C1orf141: variants seen among roughly 807,000 people sequenced by gnomAD.
The protein encoded by C1orf141 is chromosome 1 open reading frame 141.
Under a neutral mutation model 23.2 loss-of-function variants are expected in C1orf141, and 19 were observed. The ratio of observed to expected loss-of-function variants is 0.82; its 90% CI spans 0.57 to 1.20. The LOEUF is 1.20. Among genes scored for constraint, C1orf141 ranks in the 50% most tolerant of loss-of-function variants. C1orf141 has a pLI of 0.00. For missense variants in C1orf141, 469 were observed against 455.1 expected, an observed-to-expected ratio of 1.03 and a Z score of -0.28; for synonymous variants, 153 against 154.6, an observed-to-expected ratio of 0.99 and a Z score of 0.08.
At chr1:67,101,286 A>C (rs1173952388) in intron 5 of C1orf141, among the ~76,000 whole-genome samples, 2 of 152,160 alleles carry the variant, frequency 1.3e-5, no homozygotes, top group African/African-American at 2.4e-5. Context: ...CAGAGAAAAA[A>C]AGTGACAAGT....
chr1:67,105,481 G>A (rs1048094995), intron 5 of C1orf141, among the ~76,000 whole-genome samples: 1 of 151,834 alleles, frequency 6.6e-6, no homozygotes, highest in Non-Finnish European at 1.5e-5. Flanking sequence ...AATTTTTAGG[G>A]AGTGCCCAAT....
At chr1:67,118,290 TG>T (rs1241062953) in intron 4 of C1orf141, among the ~76,000 whole-genome samples, 3 of 152,086 alleles carry the variant, frequency 2.0e-5, no homozygotes, top group Non-Finnish European at 2.9e-5. Context: ...AGAAAACTGG[TG>T]GGGGAAAAAA....
chr1:67,111,864 T>G (rs1646080302), intron 5 of C1orf141, among the ~76,000 whole-genome samples: 1 of 152,252 alleles, frequency 6.6e-6, no homozygotes, highest in South Asian at 2.1e-4. Flanking sequence ...AATTATTTAC[T>G]ATTATATGAT....
chr1:67,117,683 T>C (rs1425508627), intron 4 of C1orf141, among the ~76,000 whole-genome samples: 1 of 152,148 alleles, frequency 6.6e-6, no homozygotes, highest in Non-Finnish European at 1.5e-5. Context: ...TGAGAATGAG[T>C]CAAGGGTTTC....
chr1:67,097,747 T>TA (rs34388889), intron 5 of C1orf141, among the ~76,000 whole-genome samples: 90,314 of 151,838 alleles, frequency 0.59, 28,541 homozygotes, highest in East Asian at 0.79. Context: ...AGCAATGGAG[T>TA]AACCAATTAG....
At chr1:67,132,512 T>A (rs1646533230) in intron 1 of C1orf141, among the ~76,000 whole-genome samples, 1 of 150,134 alleles carries the variant, frequency 6.7e-6, no homozygotes, top group Non-Finnish European at 1.5e-5. Context: ...GACGAGCGAG[T>A]CTCCATTTCA....
rs1360426409 is a variant in C1orf141 at position 67,134,935 on chromosome 1, C to G, written c.-109G>C. The G allele has an allele frequency of 6.6e-6, 1 of 152,424 alleles. No individual in the cohort carries two copies. The highest frequency in any genetic ancestry group is 1.5e-5 in the Non-Finnish European group (1 of 68,080). The allele number at this position is 152,424 out of a possible 1,614,324, so 9.4% of individuals were successfully genotyped here. On this transcript the variant is annotated 5_prime_UTR_variant, in exon 1 of 8. Coordinates refer to ENST00000684719, the MANE Select transcript of C1orf141 (RefSeq NM_001276351.2). ...TTCCGCACCCTGAAACAAACCTCAT[C>G]TCCTTTCCTCCCTCTTCTGGCTCCG... is the stretch of plus-strand genomic sequence containing the variant.
chr1:67,105,152 C>T (rs1312344242), intron 5 of C1orf141, among the ~76,000 whole-genome samples: 1 of 151,682 alleles, frequency 6.6e-6, no homozygotes, highest in Non-Finnish European at 1.5e-5. Flanking sequence ...CGTGGTGAAA[C>T]CCCGTCTCTA....
chr1:67,099,567 G>A (rs1645754581), intron 5 of C1orf141, among the ~76,000 whole-genome samples: 1 of 152,148 alleles, frequency 6.6e-6, no homozygotes, highest in Non-Finnish European at 1.5e-5. Context: ...ATCACCTGAG[G>A]ACAGGAGTTT....
chr1:67,114,367 A>G (rs770840476), intron 5 of C1orf141, among the ~76,000 whole-genome samples: 1 of 152,238 alleles, frequency 6.6e-6, no homozygotes, highest in Non-Finnish European at 1.5e-5. Flanking sequence ...AATTTTCCAA[A>G]TACCGTCCAG....
chr1:67,133,962 T>C (rs1429627961), intron 1 of C1orf141, among the ~76,000 whole-genome samples: 1 of 152,196 alleles, frequency 6.6e-6, no homozygotes, highest in Non-Finnish European at 1.5e-5. Flanking sequence ...ACCCGACCTA[T>C]GTGCTTAGTT....
At chr1:67,098,452 G>A (rs1048616203) in intron 5 of C1orf141, among the ~76,000 whole-genome samples, 10 of 152,064 alleles carry the variant, frequency 6.6e-5, no homozygotes, top group Non-Finnish European at 5.9e-5. Context: ...AACCAGAGTC[G>A]GAGGTGGCAG....
intron 5 of C1orf141, among the ~76,000 whole-genome samples, chr1:67,112,985 G>T (rs1000495962): frequency 6.6e-6 from 1 of 152,118 alleles, no homozygotes; most frequent in South Asian, 2.1e-4. Flanking sequence ...GTTGCAATTT[G>T]TTTATTTATT....
At chr1:67,114,664 C>T (rs2102464969) in intron 5 of C1orf141, among the ~76,000 whole-genome samples, 1 of 152,188 alleles carries the variant, frequency 6.6e-6, no homozygotes, top group South Asian at 2.1e-4. Flanking sequence ...ATTCCTAGCT[C>T]ACGGACTCCT....
intron 2 of C1orf141, among the ~76,000 whole-genome samples, chr1:67,127,587 T>A (rs1032529798): frequency 6.6e-6 from 1 of 152,164 alleles, no homozygotes; most frequent in Non-Finnish European, 1.5e-5. Context: ...TATTTTCTTT[T>A]TAAATTTTTT....
chr1:67,107,827 T>C (rs1052259985), intron 5 of C1orf141, among the ~76,000 whole-genome samples: 3 of 152,098 alleles, frequency 2.0e-5, no homozygotes, highest in Admixed American at 6.6e-5. Context: ...GAGGTGGAGG[T>C]TGCAGTGAGC....
intron 6 of C1orf141, chr1:67,096,037 C>A: frequency 2.9e-6 from 1 of 343,360 alleles, no homozygotes; most frequent in Non-Finnish European, 5.4e-6. Flanking sequence ...AATTGTATTC[C>A]CTCTATTCAT....
chr1:67,101,974 CCTT>C (rs1450293046), intron 5 of C1orf141, among the ~76,000 whole-genome samples: 1 of 151,978 alleles, frequency 6.6e-6, no homozygotes, highest in Non-Finnish European at 1.5e-5. Context: ...TCTTTTTTAC[CCTT>C]CTTTACTAAC....
intron 4 of C1orf141, among the ~76,000 whole-genome samples, chr1:67,118,155 C>T (rs1210875247): frequency 2.0e-5 from 3 of 151,986 alleles, no homozygotes; most frequent in South Asian, 4.2e-4. Context: ...ATTCCGTTGC[C>T]TTAGAATTGG....
Sources: allele counts gnomAD v4.1 joint callset (sites outside exome capture counted in the v4.1 genomes callset), GRCh38; gene constraint gnomAD v4.1.1; transcripts MANE v1.5; gene names NCBI Gene and HGNC (gene_info 2026-07-23, HGNC 2026-07-21).